The following SLC35D4 variants were observed in gnomAD, a reference collection of about 807,000 sequenced individuals.
SLC35D4 encodes solute carrier family 35 member D4, also known as UDP-N-acetylglucosamine transporter SLC35D4.
the SLC35D4 span, among the ~76,000 whole-genome samples, chr18:23,284,741 G>T: frequency 6.6e-6 from 1 of 152,076 alleles, no homozygotes. Flanking sequence ...ACTGGCAAAT[G>T]TTATTTCCCG....
the SLC35D4 span, chr18:23,260,003 G>C: frequency 1.3e-5 from 2 of 152,072 alleles, no homozygotes; most frequent in Non-Finnish European, 2.9e-5. Context: ...GCCAGCCTAG[G>C]GGGCCCGGGA....
the SLC35D4 span, chr18:23,373,638 G>A: frequency 6.5e-7 from 1 of 1,538,516 alleles, no homozygotes; most frequent in South Asian, 1.1e-5. Context: ...GAAGGACTAG[G>A]AAATTCTGGT....
chr18:23,253,803 T>C, the SLC35D4 span: 1 of 1,614,236 alleles, frequency 6.2e-7, no homozygotes, highest in Admixed American at 1.7e-5. Flanking sequence ...ATGGCCTTCG[T>C]CTACTTTGAA....
At chr18:23,310,671 G>A in the SLC35D4 span, among the ~76,000 whole-genome samples, 1 of 152,010 alleles carries the variant, frequency 6.6e-6, no homozygotes, top group Non-Finnish European at 1.5e-5. Flanking sequence ...TGTCTTGGAG[G>A]CCTCTTTGGG....
chr18:23,246,415 G>A, the SLC35D4 span, among the ~76,000 whole-genome samples: 19 of 151,952 alleles, frequency 1.3e-4, no homozygotes, highest in Non-Finnish European at 1.6e-4. Flanking sequence ...TTTTTGAGAC[G>A]GAGTCTTGCT....
the SLC35D4 span, among the ~76,000 whole-genome samples, chr18:23,402,083 A>AG: frequency 6.6e-6 from 1 of 152,278 alleles, no homozygotes; most frequent in Non-Finnish European, 1.5e-5. Flanking sequence ...ACACACACTC[A>AG]TGGCACTTCA....
the SLC35D4 span, among the ~76,000 whole-genome samples, chr18:23,421,023 C>T: frequency 1.3e-5 from 2 of 151,878 alleles, no homozygotes; most frequent in Admixed American, 6.6e-5. Flanking sequence ...GCAGGTGGAT[C>T]ACTTGAGGTC....
At chr18:23,405,587 C>A in the SLC35D4 span, among the ~76,000 whole-genome samples, 351 of 152,280 alleles carry the variant, frequency 2.3e-3, 4 homozygotes, top group African/African-American at 8.3e-3. Context: ...TCATTAAGCA[C>A]CCATTATATT....
chr18:23,371,975 G>A, the SLC35D4 span, among the ~76,000 whole-genome samples: 3 of 98,010 alleles, frequency 3.1e-5, no homozygotes, highest in Non-Finnish European at 5.6e-5. Flanking sequence ...TCGCTCTGTC[G>A]CCCAGGCTGG....
At chr18:23,268,803 C>CGTGTGT in the SLC35D4 span, among the ~76,000 whole-genome samples, 73 of 149,488 alleles carry the variant, frequency 4.9e-4, no homozygotes, top group Middle Eastern at 3.4e-3. Flanking sequence ...TGTGTGTGTG[C>CGTGTGT]GTGTGTGTGT....
the SLC35D4 span, among the ~76,000 whole-genome samples, chr18:23,307,908 T>C: frequency 7.9e-5 from 12 of 152,172 alleles, no homozygotes; most frequent in African/African-American, 2.7e-4. Flanking sequence ...CCATCTGCCC[T>C]GCTCAGCCAT....
chr18:23,287,737 T>C, the SLC35D4 span, among the ~76,000 whole-genome samples: 1 of 152,252 alleles, frequency 6.6e-6, no homozygotes, highest in Admixed American at 6.5e-5. Context: ...CTTTAGAGAC[T>C]GCCCCCACCC....
chr18:23,284,622 T>A, the SLC35D4 span, among the ~76,000 whole-genome samples: 3 of 152,228 alleles, frequency 2.0e-5, no homozygotes, highest in Non-Finnish European at 2.9e-5. Context: ...TGCCTTGGGA[T>A]CGCTTTCTCA....
the SLC35D4 span, among the ~76,000 whole-genome samples, chr18:23,412,393 T>C: frequency 1.3e-5 from 2 of 152,240 alleles, no homozygotes; most frequent in Non-Finnish European, 2.9e-5. Flanking sequence ...ACCTTACAAA[T>C]GTAAAGTCAG....
the SLC35D4 span, among the ~76,000 whole-genome samples, chr18:23,395,821 AGGAAAGC>A: frequency 1.3e-5 from 2 of 152,234 alleles, no homozygotes; most frequent in African/African-American, 4.8e-5. Context: ...TACTCAGTGT[AGGAAAGC>A]TGGGCAAGCA....
the SLC35D4 span, among the ~76,000 whole-genome samples, chr18:23,303,014 C>T: frequency 1.3e-5 from 2 of 152,226 alleles, no homozygotes; most frequent in African/African-American, 4.8e-5. Flanking sequence ...CCAGCACACA[C>T]AATAGGTCCA....
chr18:23,399,675 A>G, the SLC35D4 span: 2 of 1,610,172 alleles, frequency 1.2e-6, no homozygotes, highest in Non-Finnish European at 1.7e-6. Flanking sequence ...AAGCAATAAC[A>G]CTTTTGCCAC....
chr18:23,310,423 T>G, the SLC35D4 span, among the ~76,000 whole-genome samples: 2 of 152,082 alleles, frequency 1.3e-5, no homozygotes, highest in Non-Finnish European at 2.9e-5. Flanking sequence ...ACCCCAGAAG[T>G]GCCTCGAACC....
chr18:23,418,010 C>G, the SLC35D4 span, among the ~76,000 whole-genome samples: 5 of 152,110 alleles, frequency 3.3e-5, no homozygotes, highest in Admixed American at 2.6e-4. Flanking sequence ...AATTCTGTAT[C>G]CCTATTTGTT....
Sources: gnomAD v4.1 joint callset for allele counts (sites outside exome capture counted in the v4.1 genomes callset) on GRCh38, gnomAD v4.1.1 for gene constraint, MANE v1.5 for transcripts, NCBI Gene and HGNC (gene_info 2026-07-23, HGNC 2026-07-21) for gene names.